Variants in TAB2 observed in about 807,000 individuals in gnomAD.
TAB2 encodes the protein TGF-beta-activated kinase 1 and MAP3K7-binding protein 2.
In TAB2, 3 loss-of-function variants were observed where a neutral mutation model predicts 65.0. That is an observed-to-expected ratio of 0.05 (90% CI 0.02 to 0.12). TAB2 has a LOEUF of 0.12. Among genes scored for constraint, TAB2 ranks in the 10% least tolerant of loss-of-function variants. TAB2 has a pLI of 1.00. For missense variants in TAB2, 623 were observed against 840.3 expected (o/e 0.74, Z 3.20); for synonymous variants, 298 against 285.1 (o/e 1.05, Z -0.46).
In TAB2 at chr6:149,411,231, G is replaced by GATT. The variant is rs1345009744; in HGVS notation, c.*1514_*1515insTAT. On this transcript the variant is annotated 3_prime_UTR_variant, in exon 7 of 7. Coordinates refer to ENST00000637181, the MANE Select transcript of TAB2 (RefSeq NM_001292034.3). ...TGCTGAAATAGAGCAAAGGATGGAA[G>GATT]ATAATATAGACTACCACCCACTGTA... 6.6e-6 allele frequency: 1 copy of GATT among 152,478 alleles called. No individual in the cohort carries two copies. The highest frequency in any genetic ancestry group is 1.5e-5 in the Non-Finnish European group (1 of 68,012). The allele number at this position is 152,478 out of a possible 1,614,324, so 9.4% of individuals were successfully genotyped here. A position where few individuals can be genotyped will look rare whatever the true frequency, so the allele number is the denominator to read the frequency against.
At chr6:149,234,810 G>C (rs373921510) in intron 1 of TAB2, among the ~76,000 whole-genome samples, 2 of 148,034 alleles carry the variant, frequency 1.4e-5, no homozygotes. Context: ...TCAAAGGCAT[G>C]TGTGCCAGAT....
intron 1 of TAB2, among the ~76,000 whole-genome samples, chr6:149,228,104 G>T (rs1356059990): frequency 6.6e-6 from 1 of 152,030 alleles, no homozygotes; most frequent in Non-Finnish European, 1.5e-5. Flanking sequence ...CCAGCGCCAA[G>T]TCAGATAAAG....
chr6:149,354,812 T>C (rs1174196170), intron 1 of TAB2, among the ~76,000 whole-genome samples: 2 of 152,220 alleles, frequency 1.3e-5, no homozygotes, highest in Non-Finnish European at 2.9e-5. Flanking sequence ...TATAGTACAT[T>C]ATACTTTTGT....
intron 6 of TAB2, among the ~76,000 whole-genome samples, chr6:149,401,686 C>T (rs12154153): frequency 0.24 from 35,847 of 151,850 alleles, 4,426 homozygotes; most frequent in Non-Finnish European, 0.26. Flanking sequence ...CAAGCACACA[C>T]GGAACATTCT....
intron 1 of TAB2, among the ~76,000 whole-genome samples, chr6:149,260,576 C>A (rs189050896): frequency 6.6e-6 from 1 of 152,360 alleles, no homozygotes; most frequent in Admixed American, 6.5e-5. Flanking sequence ...ATGGACAAAT[C>A]ATCCTATGAA....
intron 1 of TAB2, among the ~76,000 whole-genome samples, chr6:149,310,565 TA>T (rs11331604): frequency 0.44 from 67,036 of 151,424 alleles, 15,261 homozygotes; most frequent in African/African-American, 0.57. Flanking sequence ...AAATAATATA[TA>T]TATTTTTTTT....
At chr6:149,289,903 G>A (rs1562401947) in intron 1 of TAB2, among the ~76,000 whole-genome samples, 1 of 152,136 alleles carries the variant, frequency 6.6e-6, no homozygotes, top group Non-Finnish European at 1.5e-5. Flanking sequence ...TGGGCGTGGG[G>A]GGCACAGTGG....
At chr6:149,393,130 T>TA (rs1375203594) in intron 3 of TAB2, among the ~76,000 whole-genome samples, 1 of 152,010 alleles carries the variant, frequency 6.6e-6, no homozygotes, top group Non-Finnish European at 1.5e-5. Flanking sequence ...TGCTAAGAAA[T>TA]AGAGAACCAC....
chr6:149,387,508 A>G (rs1352910811), intron 3 of TAB2, among the ~76,000 whole-genome samples: 1 of 152,014 alleles, frequency 6.6e-6, no homozygotes, highest in East Asian at 1.9e-4. Flanking sequence ...TAATTACTGT[A>G]ATTATTTTAT....
intron 1 of TAB2, among the ~76,000 whole-genome samples, chr6:149,318,290 C>G (rs1376077544): frequency 1.3e-5 from 2 of 149,270 alleles, no homozygotes; most frequent in East Asian, 4.0e-4. Flanking sequence ...GGAGGGGGAG[C>G]TTCATTGGAA....
At chr6:149,270,745 C>G (rs1445432746) in intron 1 of TAB2, among the ~76,000 whole-genome samples, 1 of 152,202 alleles carries the variant, frequency 6.6e-6, no homozygotes, top group African/African-American at 2.4e-5. Flanking sequence ...GATGTATTAT[C>G]CAGAGCTTGG....
intron 1 of TAB2, among the ~76,000 whole-genome samples, chr6:149,301,333 C>A (rs1296113893): frequency 6.6e-6 from 1 of 152,154 alleles, no homozygotes; most frequent in Non-Finnish European, 1.5e-5. Flanking sequence ...AGTTGGAAAG[C>A]CTGCCAGTTA....
At chr6:149,358,673 T>TGTGTGTGTGTGTGTGTGTGTGTGTG (rs71010863) in intron 1 of TAB2, among the ~76,000 whole-genome samples, 29 of 150,870 alleles carry the variant, frequency 1.9e-4, no homozygotes, top group South Asian at 8.4e-4. Context: ...TGTGTGTGTG[T>TGTGTGTGTGTGTGTGTGTGTGTGTG]TTTCAGTATA....
intron 1 of TAB2, among the ~76,000 whole-genome samples, chr6:149,259,297 T>G (rs1332883020): frequency 6.6e-6 from 1 of 151,050 alleles, no homozygotes; most frequent in Middle Eastern, 3.2e-3. Context: ...CTGTTCACAG[T>G]GCAGACATAG....
rs757284171 is a variant in TAB2 at position 149,378,722 on chromosome 6, A to G, written c.807A>G (p.Ser269=). 1.9e-6 allele frequency: 3 copies of G among 1,613,860 alleles called. No homozygotes were observed. The highest frequency in any genetic ancestry group is 2.5e-6 in the Non-Finnish European group (3 of 1,180,000). ...CATCTAATCCTCTGTCACATACCTC[A>G]TCTCAACAGCCAAATCAGCAAGGCC... ...CPASNPLSHT[S]SQQPNQQGHQ... Residue 269 remains serine (S), a synonymous_variant, in exon 3 of 7, where the codon TCA becomes TCG. Coordinates refer to ENST00000637181, the MANE Select transcript of TAB2 (RefSeq NM_001292034.3).
chr6:149,400,977 T>C (rs1333800103), intron 6 of TAB2: 9 of 339,678 alleles, frequency 2.6e-5, no homozygotes, highest in Non-Finnish European at 5.0e-5. Context: ...CCTTTATCCA[T>C]TAGTGGCATG....
chr6:149,331,442 A>C (rs1281648315), intron 1 of TAB2, among the ~76,000 whole-genome samples: 1 of 151,966 alleles, frequency 6.6e-6, no homozygotes, highest in Non-Finnish European at 1.5e-5. Flanking sequence ...TATCAGTTTT[A>C]GGAGGTTTAT....
chr6:149,376,300 C>T (rs189739378), intron 2 of TAB2, among the ~76,000 whole-genome samples: 21 of 152,304 alleles, frequency 1.4e-4, no homozygotes, highest in Non-Finnish European at 2.4e-4. Flanking sequence ...CTTCTCTGTT[C>T]ATCCACTTTC....
Position 149,379,453 on chromosome 6 carries a change from A to G in TAB2, c.1538A>G (p.His513Arg), listed in dbSNP as rs143353048. 1.9e-6 allele frequency: 3 copies of G among 1,614,128 alleles called. No homozygotes were observed. Among genetic ancestry groups the G allele is most frequent in the African/African-American group, 2.7e-5 (2 of 75,028 alleles). ...IQHLTDPTLA[H>R]VDRISETRKL... Reference sequence around the variant, plus strand: ...CACCTCACGGACCCTACATTAGCACATGTGGATAGAATAAGTGAAACACGG... The same window carrying G: ...CACCTCACGGACCCTACATTAGCACGTGTGGATAGAATAAGTGAAACACGG... The change falls in exon 3 of 7, where the codon CAT becomes CGT. Residue 513 changes from histidine to arginine, a missense_variant. Physicochemically the swap from His to Arg is conservative, Grantham distance 29 (BLOSUM62 0). Coordinates refer to ENST00000637181, the MANE Select transcript of TAB2 (RefSeq NM_001292034.3).
Sources: allele counts gnomAD v4.1 joint callset (sites outside exome capture counted in the v4.1 genomes callset), GRCh38; gene constraint gnomAD v4.1.1; transcripts MANE v1.5; gene names NCBI Gene and HGNC (gene_info 2026-07-23, HGNC 2026-07-21).